Variants in GUCY1A2 observed in about 807,000 individuals in gnomAD.
The protein encoded by GUCY1A2 is guanylate cyclase soluble subunit alpha-2.
Under a neutral mutation model 63.5 loss-of-function variants are expected in GUCY1A2, and 27 were observed. The ratio of observed to expected loss-of-function variants is 0.43; its 90% CI spans 0.31 to 0.59. The LOEUF (loss-of-function observed/expected upper bound fraction) is 0.59, where lower values mean the gene tolerates loss of function less well. Among genes scored for constraint, GUCY1A2 ranks in the 20% least tolerant of loss-of-function variants. The probability of loss-of-function intolerance (pLI) is 0.11; values close to 1 mark genes in which losing one functional copy is unlikely to be tolerated. For missense variants in GUCY1A2, 768 were observed against 913.3 expected (o/e 0.84, Z 2.05); for synonymous variants, 364 against 343.5 (o/e 1.06, Z -0.66).
chr11:106,882,612 C>G (rs78161092), intron 4 of GUCY1A2, among the ~76,000 whole-genome samples: 2 of 152,000 alleles, frequency 1.3e-5, no homozygotes, highest in East Asian at 3.9e-4. Context: ...CTTTATAAAT[C>G]TAATCCATAA....
chr11:106,787,757 T>C (rs900827160), intron 5 of GUCY1A2, among the ~76,000 whole-genome samples: 4 of 151,826 alleles, frequency 2.6e-5, no homozygotes, highest in Non-Finnish European at 2.9e-5. Context: ...TGTGTATATG[T>C]ACCACATTTT....
At chr11:106,723,898 G>A (rs10890573) in intron 6 of GUCY1A2, among the ~76,000 whole-genome samples, 68,310 of 150,490 alleles carry the variant, frequency 0.45, 15,805 homozygotes, top group Middle Eastern at 0.54. Context: ...TATGCTTTTT[G>A]AATTAGATAT....
At chr11:106,930,103 G>C in intron 4 of GUCY1A2, among the ~76,000 whole-genome samples, 1 of 152,136 alleles carries the variant, frequency 6.6e-6, no homozygotes, top group East Asian at 1.9e-4. Flanking sequence ...AAACAACTAA[G>C]GGAATGTTTA....
chr11:106,809,704 A>G (rs1858738110), intron 5 of GUCY1A2, among the ~76,000 whole-genome samples: 1 of 152,128 alleles, frequency 6.6e-6, no homozygotes. Flanking sequence ...AAAGTTACCT[A>G]GAATTCAACA....
chr11:106,831,717 G>A (rs1164376854), intron 4 of GUCY1A2, among the ~76,000 whole-genome samples: 2 of 152,194 alleles, frequency 1.3e-5, no homozygotes, highest in African/African-American at 2.4e-5. Flanking sequence ...GGGCTGCTCA[G>A]TAGAGGCACC....
At chr11:107,002,069 G>C (rs950165710) in intron 1 of GUCY1A2, among the ~76,000 whole-genome samples, 29 of 151,664 alleles carry the variant, frequency 1.9e-4, no homozygotes, top group African/African-American at 6.8e-4. Flanking sequence ...GCATATTGTA[G>C]TCATAAAATT....
intron 4 of GUCY1A2, among the ~76,000 whole-genome samples, chr11:106,839,752 T>A (rs10890607): frequency 1.3e-5 from 2 of 150,714 alleles, no homozygotes; most frequent in Admixed American, 6.6e-5. Flanking sequence ...AGCAAACTAT[T>A]GCAAGGACAA....
intron 7 of GUCY1A2, among the ~76,000 whole-genome samples, chr11:106,698,303 A>G (rs1287978068): frequency 1.3e-5 from 2 of 148,632 alleles, no homozygotes; most frequent in African/African-American, 5.0e-5. Context: ...TTTTAATTTT[A>G]GTAGAGACAA....
At chr11:106,799,985 T>C (rs10047466) in intron 5 of GUCY1A2, among the ~76,000 whole-genome samples, 139,128 of 152,154 alleles carry the variant, frequency 0.91, 63,684 homozygotes, top group East Asian at 1. Context: ...TTTTTGCAAT[T>C]TACTCATCTG....
At chr11:106,977,983 G>A (rs551825289) in intron 3 of GUCY1A2, among the ~76,000 whole-genome samples, 13 of 152,202 alleles carry the variant, frequency 8.5e-5, no homozygotes, top group African/African-American at 2.9e-4. Context: ...CACCAAGAAC[G>A]TCAGGTAGTA....
At chr11:106,792,373 GA>G (rs1864679326) in intron 5 of GUCY1A2, among the ~76,000 whole-genome samples, 1 of 114,838 alleles carries the variant, frequency 8.7e-6, no homozygotes, top group Non-Finnish European at 1.7e-5. Flanking sequence ...GCAACAGAGT[GA>G]GACTCCATCT....
intron 4 of GUCY1A2, among the ~76,000 whole-genome samples, chr11:106,919,639 G>T (rs1038301551): frequency 1.3e-5 from 2 of 152,078 alleles, no homozygotes; most frequent in Non-Finnish European, 2.9e-5. Flanking sequence ...TATCAGTTGA[G>T]ATCTGAAGGA....
chr11:106,897,953 A>G (rs1020401874), intron 4 of GUCY1A2, among the ~76,000 whole-genome samples: 2 of 152,178 alleles, frequency 1.3e-5, no homozygotes, highest in African/African-American at 4.8e-5. Context: ...TGCAAAATAC[A>G]TATCTGGTTA....
At chr11:106,827,068 T>C (rs1226047898) in intron 4 of GUCY1A2, 2 of 1,537,654 alleles carry the variant, frequency 1.3e-6, no homozygotes, top group Non-Finnish European at 1.8e-6. Context: ...GGACTTTTTC[T>C]TCAAAATTCT....
intron 4 of GUCY1A2, among the ~76,000 whole-genome samples, chr11:106,858,772 G>T (rs947928552): frequency 3.9e-5 from 6 of 152,052 alleles, no homozygotes; most frequent in African/African-American, 1.4e-4. Flanking sequence ...AAATCACTAT[G>T]TTGCCAGTCC....
At chr11:106,701,488 C>A (rs1180289558) in intron 7 of GUCY1A2, among the ~76,000 whole-genome samples, 1 of 152,148 alleles carries the variant, frequency 6.6e-6, no homozygotes, top group African/African-American at 2.4e-5. Context: ...TTGCTCCCCA[C>A]TGCTCTCTTC....
At chr11:106,770,098 T>C (rs1341348411) in intron 6 of GUCY1A2, among the ~76,000 whole-genome samples, 3 of 152,000 alleles carry the variant, frequency 2.0e-5, no homozygotes, top group Non-Finnish European at 4.4e-5. Flanking sequence ...CAAAATGATA[T>C]AGTATTACAA....
Position 106,687,227 on chromosome 11 carries a change from T to C in GUCY1A2, c.*322A>G. The C allele has an allele frequency of 1.0e-5, 3 of 289,392 alleles. No individual in the cohort carries two copies. The highest frequency in any genetic ancestry group is 2.0e-5 in the Non-Finnish European group (3 of 153,630). The allele number at this position is 289,392 out of a possible 1,614,324, so 17.9% of individuals were successfully genotyped here. On this transcript the variant is annotated 3_prime_UTR_variant, in exon 8 of 8. Transcript: ENST00000526355. ...AAATATATAGGGAAAGATACTTGTA[T>C]GTGTGATAAACAAGAAAACATGGAA...
intron 4 of GUCY1A2, among the ~76,000 whole-genome samples, chr11:106,843,523 AT>A (rs1392539403): frequency 3.9e-5 from 6 of 151,940 alleles, no homozygotes; most frequent in Non-Finnish European, 7.4e-5. Flanking sequence ...AGAAGTTGAA[AT>A]TAAAAGCATT....
Sources: gnomAD v4.1 joint callset for allele counts (sites outside exome capture counted in the v4.1 genomes callset) on GRCh38, gnomAD v4.1.1 for gene constraint, MANE v1.5 for transcripts, NCBI Gene and HGNC (gene_info 2026-07-23, HGNC 2026-07-21) for gene names.